LSAMP: variants seen among roughly 807,000 people sequenced by gnomAD.
The protein encoded by LSAMP is limbic system-associated membrane protein.
In LSAMP, 7 loss-of-function variants were observed where a neutral mutation model predicts 38.6. That is an observed-to-expected ratio of 0.18 (90% CI 0.10 to 0.34). The LOEUF (loss-of-function observed/expected upper bound fraction) is 0.34, where lower values mean the gene tolerates loss of function less well. Ranked by LOEUF, LSAMP falls within the 10% of genes least tolerant of loss-of-function variation. The pLI is 1.00. For missense variants in LSAMP, 313 were observed against 420.0 expected, an observed-to-expected ratio of 0.75 and a Z score of 2.23; for synonymous variants, 154 against 166.8, an observed-to-expected ratio of 0.92 and a Z score of 0.59.
At chr3:116,285,282 T>C (rs781768898) in intron 1 of LSAMP, among the ~76,000 whole-genome samples, 18 of 152,154 alleles carry the variant, frequency 1.2e-4, no homozygotes, top group Non-Finnish European at 2.5e-4. Flanking sequence ...AACTTCTGAT[T>C]GGCCTATGTC....
At chr3:115,810,626 G>A (rs1419275885) in intron 6 of LSAMP, among the ~76,000 whole-genome samples, 1 of 152,204 alleles carries the variant, frequency 6.6e-6, no homozygotes, top group Non-Finnish European at 1.5e-5. Context: ...ATCATTGGCT[G>A]AAACACTTCT....
At chr3:116,330,550 C>G (rs1358849743) in intron 1 of LSAMP, among the ~76,000 whole-genome samples, 21 of 135,426 alleles carry the variant, frequency 1.6e-4, no homozygotes, top group Admixed American at 1.5e-3. Flanking sequence ...CAGCATGCTC[C>G]CCCCCCCACA....
At chr3:115,973,652 T>G (rs1361947493) in intron 3 of LSAMP, among the ~76,000 whole-genome samples, 1 of 152,026 alleles carries the variant, frequency 6.6e-6, no homozygotes, top group African/African-American at 2.4e-5. Context: ...GAGAATCACT[T>G]GAACCCGGGA....
At chr3:116,391,953 T>G (rs929397165) in intron 1 of LSAMP, among the ~76,000 whole-genome samples, 4 of 152,114 alleles carry the variant, frequency 2.6e-5, no homozygotes, top group Admixed American at 2.6e-4. Flanking sequence ...ACACTCCAAA[T>G]GGCCAGGCCC....
chr3:115,899,522 T>A (rs923296057), intron 3 of LSAMP, among the ~76,000 whole-genome samples: 1 of 152,170 alleles, frequency 6.6e-6, no homozygotes, highest in Non-Finnish European at 1.5e-5. Context: ...TATACATAAC[T>A]GCCTGATGCC....
chr3:115,930,001 A>AGTTTTTT (rs1553750124), intron 3 of LSAMP, among the ~76,000 whole-genome samples: 1 of 25,342 alleles, frequency 3.9e-5, no homozygotes, highest in Non-Finnish European at 1.2e-4. Context: ...ATTTAGCAGA[A>AGTTTTTT]GTTTTTTTTT....
At chr3:115,839,781 A>G (rs1180487034) in intron 6 of LSAMP, among the ~76,000 whole-genome samples, 2 of 152,198 alleles carry the variant, frequency 1.3e-5, no homozygotes, top group African/African-American at 2.4e-5. Flanking sequence ...GCACCACACA[A>G]TCCTCAAATG....
At chr3:115,842,014 G>GAAT in intron 5 of LSAMP, 21 bp from the exon 6 acceptor site, 1 of 1,596,508 alleles carries the variant, frequency 6.3e-7, no homozygotes, top group Non-Finnish European at 8.5e-7. Context: ...AAAAACAGAA[G>GAAT]AATAGAAAGG....
chr3:116,094,820 T>C (rs1708191727), intron 1 of LSAMP, among the ~76,000 whole-genome samples: 1 of 152,370 alleles, frequency 6.6e-6, no homozygotes, highest in East Asian at 1.9e-4. Flanking sequence ...TTTTAACTTT[T>C]CTGAATCTTA....
At chr3:116,339,811 T>C (rs1408061538) in intron 1 of LSAMP, among the ~76,000 whole-genome samples, 1 of 152,058 alleles carries the variant, frequency 6.6e-6, no homozygotes, top group Non-Finnish European at 1.5e-5. Flanking sequence ...AGAGCTAGCA[T>C]TAACTGCCAC....
At chr3:115,816,542 A>G (rs1934026201) in intron 6 of LSAMP, 5 of 881,962 alleles carry the variant, frequency 5.7e-6, no homozygotes, top group South Asian at 3.0e-5. Flanking sequence ...ACTCAAGTAT[A>G]TAAGACAACA....
chr3:116,416,584 T>C (rs2049053803), intron 1 of LSAMP, among the ~76,000 whole-genome samples: 3 of 152,194 alleles, frequency 2.0e-5, no homozygotes, highest in Non-Finnish European at 4.4e-5. Context: ...CTTTCATGCT[T>C]ACTTTTGGAA....
At chr3:116,429,060 A>C (rs1420177111) in intron 1 of LSAMP, among the ~76,000 whole-genome samples, 2 of 152,312 alleles carry the variant, frequency 1.3e-5, no homozygotes, top group Non-Finnish European at 2.9e-5. Flanking sequence ...ACTGTTACCC[A>C]AAATGCTATA....
chr3:115,863,377 TTTGA>T lies in LSAMP; in HGVS notation c.515-10764_515-10761del, dbSNP rs1935763912. Among the ~76,000 whole-genome samples, 5 of 152,118 alleles carry T rather than the reference TTTGA, an allele frequency of 3.3e-5. No homozygotes were observed. In the South Asian group the frequency reaches 8.3e-4, roughly 25 times the overall value. ...AGAGGGATGACCCCAAGGTTTTTGG[TTTGA>T]TTGATCTGTGTACTGGATGATATTT... is the stretch of plus-strand genomic sequence containing the variant. On this transcript the variant is annotated intron_variant, in intron 3 of 6. Transcript: ENST00000490035.
At chr3:116,111,619 T>G (rs1415306233) in intron 1 of LSAMP, among the ~76,000 whole-genome samples, 1 of 152,186 alleles carries the variant, frequency 6.6e-6, no homozygotes, top group Non-Finnish European at 1.5e-5. Flanking sequence ...TTTCCTTTCT[T>G]CTCCCCCTTT....
At chr3:116,305,319 T>C (rs1359303698) in intron 1 of LSAMP, among the ~76,000 whole-genome samples, 1 of 152,116 alleles carries the variant, frequency 6.6e-6, no homozygotes, top group Non-Finnish European at 1.5e-5. Flanking sequence ...ATAAACCTGG[T>C]ACAGTTCTAA....
intron 6 of LSAMP, among the ~76,000 whole-genome samples, chr3:115,828,568 C>T (rs1934504572): frequency 6.6e-6 from 1 of 152,188 alleles, no homozygotes; most frequent in African/African-American, 2.4e-5. Flanking sequence ...CCAGAGGAGC[C>T]TGTGTCAGTT....
At chr3:116,065,620 C>A (rs192324686) in intron 2 of LSAMP, among the ~76,000 whole-genome samples, 1 of 152,166 alleles carries the variant, frequency 6.6e-6, no homozygotes, top group African/African-American at 2.4e-5. Context: ...ATATCTAACA[C>A]CACACATTTC....
At chr3:116,057,943 ACACACACACACACC>A (rs1203296720) in intron 2 of LSAMP, among the ~76,000 whole-genome samples, 4 of 105,512 alleles carry the variant, frequency 3.8e-5, no homozygotes, top group South Asian at 2.5e-4. Context: ...ACACACACAC[ACACACACACACACC>A]CACACACACA....
Sources: allele counts gnomAD v4.1 joint callset (sites outside exome capture counted in the v4.1 genomes callset), GRCh38; gene constraint gnomAD v4.1.1; transcripts MANE v1.5; gene names NCBI Gene and HGNC (gene_info 2026-07-23, HGNC 2026-07-21).